Variants in TYW1B observed in about 807,000 individuals in gnomAD.
TYW1B encodes S-adenosyl-L-methionine-dependent tRNA 4-demethylwyosine synthase TYW1B.
In TYW1B, 73 loss-of-function variants were observed where a neutral mutation model predicts 86.9. That is an observed-to-expected ratio of 0.84 (90% confidence interval 0.70 to 1.02). The LOEUF (loss-of-function observed/expected upper bound fraction) is 1.02. TYW1B is among the 50% of genes least tolerant of loss of function. The pLI is 0.00. For missense variants in TYW1B, 637 were observed against 827.4 expected (o/e 0.77, Z 2.82); for synonymous variants, 248 against 292.8 (o/e 0.85, Z 1.56).
At chr7:72,708,947 T>C (rs1814677198) in intron 10 of TYW1B, among the ~76,000 whole-genome samples, 1 of 152,226 alleles carries the variant, frequency 6.6e-6, no homozygotes, top group Admixed American at 6.5e-5. Flanking sequence ...AAATTTTTTC[T>C]AGATAATTCA....
chr7:72,687,330 G>A (rs1352765351), intron 11 of TYW1B, among the ~76,000 whole-genome samples: 1 of 152,176 alleles, frequency 6.6e-6, no homozygotes, highest in African/African-American at 2.4e-5. Flanking sequence ...AGCTACTTGG[G>A]AGCTGAGACA....
At chr7:72,816,670 G>A (rs1435147848) in intron 2 of TYW1B, among the ~76,000 whole-genome samples, 1 of 152,192 alleles carries the variant, frequency 6.6e-6, no homozygotes, top group African/African-American at 2.4e-5. Flanking sequence ...AGCCCCAACA[G>A]AGAACACTAA....
chr7:72,816,810 CG>C (rs782540335), intron 2 of TYW1B, among the ~76,000 whole-genome samples: 1 of 152,184 alleles, frequency 6.6e-6, no homozygotes, highest in African/African-American at 2.4e-5. Flanking sequence ...AACATACCAA[CG>C]TGCTGGGGAG....
At chr7:72,596,179 CAAAAAAAAAAA>C (rs58325295) in intron 13 of TYW1B, among the ~76,000 whole-genome samples, 1 of 56,378 alleles carries the variant, frequency 1.8e-5, no homozygotes, top group African/African-American at 7.2e-5. Flanking sequence ...AACTCTGTCT[CAAAAAAAAAAA>C]AAAAAAAAAA....
At chr7:72,777,736 C>T (rs1156577768) in intron 6 of TYW1B, among the ~76,000 whole-genome samples, 5 of 151,800 alleles carry the variant, frequency 3.3e-5, no homozygotes, top group African/African-American at 9.7e-5. Context: ...GCCAACATGG[C>T]GAAACCTCAT....
At chr7:72,644,882 C>T (rs1413432868) in intron 11 of TYW1B, among the ~76,000 whole-genome samples, 2 of 142,220 alleles carry the variant, frequency 1.4e-5, no homozygotes, top group African/African-American at 2.7e-5. Context: ...GGCTGGAGTG[C>T]AGTGCCGCGA....
intron 6 of TYW1B, among the ~76,000 whole-genome samples, chr7:72,782,387 T>TAA (rs1563092481): frequency 6.6e-6 from 1 of 152,164 alleles, no homozygotes; most frequent in Non-Finnish European, 1.5e-5. Context: ...TTGCCTAGGA[T>TAA]AAAAACAAGG....
chr7:72,811,080 G>A (rs1788604109), intron 3 of TYW1B, among the ~76,000 whole-genome samples: 1 of 151,784 alleles, frequency 6.6e-6, no homozygotes, highest in Non-Finnish European at 1.5e-5. Context: ...GACCATCCTG[G>A]CTAACACGGT....
At chr7:72,674,153 C>A (rs1813680652) in intron 11 of TYW1B, among the ~76,000 whole-genome samples, 2 of 152,124 alleles carry the variant, frequency 1.3e-5, no homozygotes, top group African/African-American at 4.8e-5. Flanking sequence ...AAGCCCTTAG[C>A]CACAAGGAGG....
intron 6 of TYW1B, among the ~76,000 whole-genome samples, chr7:72,793,693 C>T (rs1415645590): frequency 2.0e-5 from 3 of 149,384 alleles, no homozygotes; most frequent in Non-Finnish European, 4.4e-5. Context: ...AGACGGAGGT[C>T]GTATTGAGCC....
chr7:72,598,161 A>G (rs2129567988), intron 13 of TYW1B, among the ~76,000 whole-genome samples: 1 of 152,276 alleles, frequency 6.6e-6, no homozygotes, highest in Middle Eastern at 3.4e-3. Flanking sequence ...GCACAATTTA[A>G]TCAGTTTCCA....
chr7:72,826,791 G>C, intron 2 of TYW1B, 64 bp downstream of exon 2: 1 of 1,548,720 alleles, frequency 6.5e-7, no homozygotes, highest in Admixed American at 2.3e-5. Flanking sequence ...GTTCCTTTTA[G>C]TGTTTAAATC....
intron 11 of TYW1B, among the ~76,000 whole-genome samples, chr7:72,666,630 T>TGAGA (rs1297030771): frequency 2.0e-5 from 3 of 152,144 alleles, no homozygotes. Context: ...ATCTCCTAGT[T>TGAGA]GAGAGCACCA....
At chr7:72,620,436 C>T (rs1812186626) in intron 12 of TYW1B, among the ~76,000 whole-genome samples, 1 of 151,994 alleles carries the variant, frequency 6.6e-6, no homozygotes, top group African/African-American at 2.4e-5. Context: ...AACAACAAAA[C>T]CCTCTGAGGG....
At chr7:72,771,343 T>C (rs1787865343) in intron 7 of TYW1B, among the ~76,000 whole-genome samples, 1 of 152,216 alleles carries the variant, frequency 6.6e-6, no homozygotes, top group Non-Finnish European at 1.5e-5. Flanking sequence ...AAAGGAGTTA[T>C]TGACTAGAAA....
intron 13 of TYW1B, among the ~76,000 whole-genome samples, chr7:72,576,703 G>A (rs1260517202): frequency 6.6e-6 from 1 of 151,952 alleles, no homozygotes; most frequent in Non-Finnish European, 1.5e-5. Flanking sequence ...TAGTAAAGAC[G>A]GGGTTTCACC....
intron 7 of TYW1B, among the ~76,000 whole-genome samples, chr7:72,762,190 T>C (rs1402558537): frequency 2.0e-5 from 3 of 152,192 alleles, no homozygotes; most frequent in Non-Finnish European, 4.4e-5. Context: ...TTTCTATTTC[T>C]TCCTGAGATG....
intron 13 of TYW1B, among the ~76,000 whole-genome samples, chr7:72,583,613 T>G (rs1811208288): frequency 1.3e-5 from 2 of 152,182 alleles, no homozygotes; most frequent in African/African-American, 4.8e-5. Flanking sequence ...AAACTAAAAA[T>G]AAGGTTTAAA....
chr7:72,602,779 C>G (rs1231199215), intron 13 of TYW1B, among the ~76,000 whole-genome samples: 1 of 150,682 alleles, frequency 6.6e-6, no homozygotes, highest in Admixed American at 6.7e-5. Context: ...TTGGGACCAT[C>G]TGTGTGTGAG....
Sources: gnomAD v4.1 joint callset for allele counts (sites outside exome capture counted in the v4.1 genomes callset) on GRCh38, gnomAD v4.1.1 for gene constraint, MANE v1.5 for transcripts, NCBI Gene and HGNC (gene_info 2026-07-23, HGNC 2026-07-21) for gene names.